Variants in ARNT2 observed in about 807,000 individuals in gnomAD.
ARNT2 encodes the protein aryl hydrocarbon receptor nuclear translocator 2.
In ARNT2, 36 loss-of-function variants were observed where a neutral mutation model predicts 91.7. The ratio of observed to expected loss-of-function variants is 0.39; its 90% CI spans 0.30 to 0.52. The LOEUF (loss-of-function observed/expected upper bound fraction) is 0.52, where lower values mean the gene tolerates loss of function less well. Ranked by LOEUF, ARNT2 falls within the 20% of genes least tolerant of loss-of-function variation. The probability of loss-of-function intolerance (pLI) is 0.72; values close to 1 mark genes in which losing one functional copy is unlikely to be tolerated. For synonymous variants in ARNT2, 365 were observed against 347.1 expected (o/e 1.05, Z -0.57); for missense variants, 775 against 939.3 (o/e 0.83, Z 2.29).
At chr15:80,511,013 A>G (rs1234541157) in intron 6 of ARNT2, among the ~76,000 whole-genome samples, 1 of 152,162 alleles carries the variant, frequency 6.6e-6, no homozygotes, top group Non-Finnish European at 1.5e-5. Flanking sequence ...TGACCCAGCA[A>G]TCCCATTCCT....
intron 2 of ARNT2, among the ~76,000 whole-genome samples, chr15:80,451,734 C>A (rs900450014): frequency 6.6e-6 from 1 of 151,776 alleles, no homozygotes; most frequent in Non-Finnish European, 1.5e-5. Context: ...ACCAACCAAC[C>A]AACCAATCAA....
At chr15:80,547,479 CA>C (rs1256205453) in intron 8 of ARNT2, among the ~76,000 whole-genome samples, 2 of 152,148 alleles carry the variant, frequency 1.3e-5, no homozygotes, top group South Asian at 2.1e-4. Context: ...GGGATTGTGT[CA>C]GGGGAAAGCA....
At chr15:80,560,931 A>G (rs926391129) in intron 11 of ARNT2, among the ~76,000 whole-genome samples, 4 of 152,168 alleles carry the variant, frequency 2.6e-5, no homozygotes, top group Non-Finnish European at 5.9e-5. Flanking sequence ...AGGGAGCCTT[A>G]TCTGACATCC....
rs554916892 is a variant in ARNT2, at chr15:80,474,144, C to T, written c.409-866C>T. On this transcript the variant is annotated intron_variant, in intron 4 of 18. Coordinates refer to ENST00000303329, the MANE Select transcript of ARNT2 (RefSeq NM_014862.4). ...CAACTATACTTGAGCTGCCTTCAGG[C>T]GCTGCAAAGAAAAGACATCTTGTTT... Among the ~76,000 whole-genome samples the T allele has an allele frequency of 2.4e-3, 365 of 152,304 alleles. 1 individual carries two copies. The highest frequency in any genetic ancestry group is 5.3e-3 in the Admixed American group (81 of 15,292).
chr15:80,557,847 C>T (rs1430002518), intron 11 of ARNT2, among the ~76,000 whole-genome samples: 1 of 152,164 alleles, frequency 6.6e-6, no homozygotes, highest in Non-Finnish European at 1.5e-5. Flanking sequence ...TCTGCTTTTA[C>T]TCTTACTCTA....
At chr15:80,463,305 G>C (rs375468627) in intron 3 of ARNT2, among the ~76,000 whole-genome samples, 12 of 152,150 alleles carry the variant, frequency 7.9e-5, no homozygotes, top group Admixed American at 1.3e-4. Context: ...AGATTCAGCC[G>C]AGCCTTTCAG....
intron 6 of ARNT2, among the ~76,000 whole-genome samples, chr15:80,509,774 A>T (rs1451323286): frequency 6.6e-6 from 1 of 152,212 alleles, no homozygotes; most frequent in African/African-American, 2.4e-5. Flanking sequence ...AGGGAATAGC[A>T]AGTGCAAAGG....
intron 11 of ARNT2, among the ~76,000 whole-genome samples, chr15:80,559,471 T>C (rs1898280443): frequency 6.6e-6 from 1 of 152,124 alleles, no homozygotes; most frequent in African/African-American, 2.4e-5. Context: ...GGGGGTCAAA[T>C]GTTGATAAAG....
chr15:80,558,379 C>T (rs1290320713), intron 11 of ARNT2, among the ~76,000 whole-genome samples: 2 of 147,178 alleles, frequency 1.4e-5, no homozygotes, highest in Non-Finnish European at 3.0e-5. Flanking sequence ...CTCTGTTGCC[C>T]AGGCTGGAGT....
chr15:80,417,588 C>T (rs1038591303), intron 1 of ARNT2, among the ~76,000 whole-genome samples: 2 of 151,386 alleles, frequency 1.3e-5, no homozygotes, highest in African/African-American at 2.4e-5. Flanking sequence ...CTTCCTCCCT[C>T]TTTCTCTCTC....
At chr15:80,551,333 C>CAGA in intron 9 of ARNT2, 58 bp downstream of exon 9, 1 of 1,497,286 alleles carries the variant, frequency 6.7e-7, no homozygotes, top group Non-Finnish European at 9.3e-7. Context: ...CCACAAAGTG[C>CAGA]AGAAGACTGT....
chr15:80,442,325 C>T (rs1407833200), intron 1 of ARNT2, among the ~76,000 whole-genome samples: 1 of 152,194 alleles, frequency 6.6e-6, no homozygotes, highest in Non-Finnish European at 1.5e-5. Flanking sequence ...TCCAGGAAGC[C>T]TTCTCAGATC....
intron 12 of ARNT2, among the ~76,000 whole-genome samples, chr15:80,570,065 C>T (rs1898558317): frequency 6.6e-6 from 1 of 152,230 alleles, no homozygotes; most frequent in Non-Finnish European, 1.5e-5. Context: ...AATAATTGTC[C>T]TTGTTATAGC....
chr15:80,537,089 G>C (rs1292440199), intron 8 of ARNT2, among the ~76,000 whole-genome samples: 1 of 152,076 alleles, frequency 6.6e-6, no homozygotes, highest in Non-Finnish European at 1.5e-5. Flanking sequence ...CTTTTCGCAG[G>C]CTCTGCTGGT....
intron 14 of ARNT2, 90 bp downstream of exon 14, chr15:80,575,200 G>A (rs1450625810): frequency 6.6e-7 from 1 of 1,519,042 alleles, no homozygotes; most frequent in East Asian, 2.3e-5. Context: ...AGTAAGAGGG[G>A]GCCACGGAAG....
intron 6 of ARNT2, among the ~76,000 whole-genome samples, chr15:80,511,590 G>A (rs1897343191): frequency 6.6e-6 from 1 of 152,094 alleles, no homozygotes; most frequent in Non-Finnish European, 1.5e-5. Flanking sequence ...TGTAGTTCTG[G>A]AATCCAAGGA....
At chr15:80,560,169 T>C (rs942909088) in intron 11 of ARNT2, 2 of 152,280 alleles carry the variant, frequency 1.3e-5, no homozygotes, top group Admixed American at 6.5e-5. Flanking sequence ...CTTGTGTTTC[T>C]GTAGTGGCAG....
intron 1 of ARNT2, among the ~76,000 whole-genome samples, chr15:80,435,611 C>T (rs1353173094): frequency 6.6e-6 from 1 of 152,148 alleles, no homozygotes; most frequent in Admixed American, 6.5e-5. Flanking sequence ...GCCAGGTTCC[C>T]TCCCTCCCTC....
chr15:80,475,068 A>C lies in ARNT2; in HGVS notation c.467A>C (p.Glu156Ala). The C allele has an allele frequency of 1.2e-6, 2 of 1,614,180 alleles. No homozygotes were observed. The highest frequency in any genetic ancestry group is 1.7e-6 in the Non-Finnish European group (2 of 1,180,044). The change falls in exon 5 of 19, where the codon GAG becomes GCG. Residue 156 changes from glutamate (E) to alanine (A), a missense_variant. Physicochemically the swap from Glu to Ala is moderately radical, Grantham distance 107. This residue lies in a region of ARNT2 where 83 missense variants were observed against 149.4 expected (regional missense o/e 0.56). Transcript: ENST00000303329. ...ADGFLFVVAAETGRVIYVSDS... is the reference protein window; with the variant it reads ...ADGFLFVVAAATGRVIYVSDS... ...GGATTTCTGTTTGTGGTGGCTGCTG[A>C]GACAGGGCGAGTGATTTATGTGTCT...
Sources: allele counts gnomAD v4.1 joint callset (sites outside exome capture counted in the v4.1 genomes callset), GRCh38; gene constraint gnomAD v4.1.1; regional missense constraint gnomAD v4.1.1; transcripts MANE v1.5; gene names NCBI Gene and HGNC (gene_info 2026-07-23, HGNC 2026-07-21).